The following JPH4 variants were observed in gnomAD, a reference collection of about 807,000 sequenced individuals.
The protein encoded by JPH4 is junctophilin-4.
A neutral mutation model predicts 57.6 loss-of-function variants in JPH4; 18 were observed. That is an observed-to-expected ratio of 0.31 (90% CI 0.22 to 0.46). The LOEUF (loss-of-function observed/expected upper bound fraction) is 0.46. Among genes scored for constraint, JPH4 ranks in the 20% least tolerant of loss-of-function variants. JPH4 has a pLI of 1.00. For missense variants in JPH4, 727 were observed against 911.1 expected (o/e 0.80, Z 2.60); for synonymous variants, 425 against 406.6 (o/e 1.05, Z -0.54).
Position 23,575,574 on chromosome 14 carries a change from A to T in JPH4, c.1151+111T>A, listed in dbSNP as rs747578467. ...AACTGCCTGGCCTTAGGCTTGCAATAGCAGGCCCTAGGCCTTGGGCCTTGG... is the reference window on the plus strand; with the variant it reads ...AACTGCCTGGCCTTAGGCTTGCAATTGCAGGCCCTAGGCCTTGGGCCTTGG... On this transcript the variant is annotated intron_variant, in intron 3 of 5. Coordinates refer to ENST00000356300, the MANE Select transcript of JPH4 (RefSeq NM_001146028.2). The surrounding 1 kb of genome is among the most constrained non-coding windows in gnomAD (Gnocchi z 6.9). The T allele has an allele frequency of 1.5e-6, 2 of 1,374,976 alleles. No homozygotes were observed. 85.2% of individuals were successfully genotyped at this position (1,374,976 alleles called of 1,614,324 possible). A position where few individuals can be genotyped will look rare whatever the true frequency, so the allele number is the denominator to read the frequency against.
In JPH4 at chr14:23,569,621, C is replaced by T. The variant is rs1380701408; in HGVS notation, c.*13G>A. 2 of 1,549,502 alleles carry T rather than the reference C, an allele frequency of 1.3e-6. No individual in the cohort carries two copies. On this transcript the variant is annotated 3_prime_UTR_variant, in exon 6 of 6. Transcript: ENST00000356300. The surrounding 1 kb of genome is among the most constrained non-coding windows in gnomAD (Gnocchi z 4.8). ...GCACGCAACCAAAGCCAGAACCAGG[C>T]CAGGAAGTAGCCTCAGGTGAGGAGC... is the stretch of plus-strand genomic sequence containing the variant.
At position 23,569,533 on chromosome 14, in the gene JPH4, GAT is replaced by G. The variant is rs1374765834; in HGVS notation, c.*99_*100del. The G allele has an allele frequency of 1.3e-6, 1 of 773,874 alleles. No homozygotes were observed. The highest frequency in any genetic ancestry group is 2.3e-6 in the Non-Finnish European group (1 of 442,762). The allele number at this position is 773,874 out of a possible 1,614,324, so 47.9% of individuals were successfully genotyped here. A position where few individuals can be genotyped will look rare whatever the true frequency, so the allele number is the denominator to read the frequency against. ...AAAAGAAAGGAAGAAGAGAAAGAAA[GAT>G]AGGAGAAAACACAGCCAGGAAGAGG... On this transcript the variant is annotated 3_prime_UTR_variant, in exon 6 of 6. Coordinates refer to ENST00000356300, the MANE Select transcript of JPH4 (RefSeq NM_001146028.2). This position sits in a 1 kb window ranked among gnomAD's most constrained non-coding sequence, Gnocchi z 4.8.
rs1409143167 is a variant in JPH4, at chr14:23,578,471, G to C, written c.-463C>G. On this transcript the variant is annotated 5_prime_UTR_variant, in exon 1 of 6. Transcript: ENST00000356300. ...GAGCTGGGAGCTGGATGCAAAGGGG[G>C]AGGGGGCTCTCAAGAGGGGGTGTTT... is the stretch of plus-strand genomic sequence containing the variant. The C allele has an allele frequency of 3.3e-5, 5 of 151,654 alleles. No homozygotes were observed. The highest frequency in any genetic ancestry group is 7.4e-5 in the Non-Finnish European group (5 of 67,958). 9.4% of individuals were successfully genotyped at this position (151,654 alleles called of 1,614,324 possible).
chr14:23,570,311 G>C (rs996212505), intron 5 of JPH4, among the ~76,000 whole-genome samples: 17 of 151,662 alleles, frequency 1.1e-4, no homozygotes, highest in African/African-American at 3.6e-4. Context: ...AGGAGAACGG[G>C]GGAAAAATGT....
At position 23,569,740 on chromosome 14, in the gene JPH4, A is replaced by G; in HGVS notation, c.1804-23T>C. On this transcript the variant is annotated intron_variant, in intron 5 of 5. Transcript: ENST00000356300. This position sits in a 1 kb window ranked among gnomAD's most constrained non-coding sequence, Gnocchi z 4.8. The stretch of plus-strand genomic sequence containing the variant: ...TCCCTAGAGAGACAGAGGGGGAAGC[A>G]GACTCAGTCCCCGAGGACAGGGCCC... 6 of 1,511,426 alleles carry G rather than the reference A, an allele frequency of 4.0e-6. No homozygotes were observed. Among genetic ancestry groups the G allele is most frequent in the Non-Finnish European group, 5.4e-6 (6 of 1,114,040 alleles). 93.6% of individuals were successfully genotyped at this position (1,511,426 alleles called of 1,614,324 possible). A position where few individuals can be genotyped will look rare whatever the true frequency, so the allele number is the denominator to read the frequency against.
chr14:23,575,687 G>T lies in JPH4; in HGVS notation c.1149C>A (p.Ala383=), dbSNP rs913567472. 7.5e-6 allele frequency: 12 copies of T among 1,600,388 alleles called. No individual in the cohort carries two copies. Among genetic ancestry groups the T allele is most frequent in the Admixed American group, 3.4e-5 (2 of 58,964 alleles). Residue 383 remains alanine (A), a splice_region_variant and synonymous_variant, in exon 3 of 6, where the codon GCC becomes GCA. Transcript: ENST00000356300. This position sits in a 1 kb window ranked among gnomAD's most constrained non-coding sequence, Gnocchi z 6.9. ...AARQRQEIAA[A]RAADALLKAV... Reference sequence around the variant, plus strand: ...TGGCCTCTGAACTGGACGCCCACCTGGCAGCGGCGATCTCCTGGCGCTGAC... The same window carrying T: ...TGGCCTCTGAACTGGACGCCCACCTTGCAGCGGCGATCTCCTGGCGCTGAC...
Position 23,568,254 on chromosome 14 carries a change from T to G in JPH4, c.*1380A>C. The G allele has an allele frequency of 1.0e-6, 1 of 985,762 alleles. No individual in the cohort carries two copies. Among genetic ancestry groups the G allele is most frequent in the Non-Finnish European group, 1.2e-6 (1 of 829,884 alleles). 61.1% of individuals were successfully genotyped at this position (985,762 alleles called of 1,614,324 possible). A position where few individuals can be genotyped will look rare whatever the true frequency, so the allele number is the denominator to read the frequency against. On this transcript the variant is annotated 3_prime_UTR_variant, in exon 6 of 6. Transcript: ENST00000356300. ...GAAAAAAAGAAGAGGGTATGTGTGG[T>G]GGGCATTCCTGGGCAAGGCCATTCC...
At chr14:23,570,319 T>G in intron 5 of JPH4, among the ~76,000 whole-genome samples, 1 of 150,406 alleles carries the variant, frequency 6.6e-6, no homozygotes, top group African/African-American at 2.5e-5. Context: ...GGGGGAAAAA[T>G]GTTCTGGCTC....
rs1888850981 is a variant in JPH4, at chr14:23,568,121, G to A, written c.*1513C>T. ...TGCAAGACTTGGTGTTGGCGGCACT[G>A]TTGTAGTTTAACTTCAATCCCAAAT... On this transcript the variant is annotated 3_prime_UTR_variant, in exon 6 of 6. Coordinates refer to ENST00000356300, the MANE Select transcript of JPH4 (RefSeq NM_001146028.2). 1.0e-6 allele frequency: 1 copy of A among 985,396 alleles called. No individual in the cohort carries two copies. The highest frequency in any genetic ancestry group is 1.7e-5 in the African/African-American group (1 of 57,186). The allele number at this position is 985,396 out of a possible 1,614,324, so 61.0% of individuals were successfully genotyped here. A position where few individuals can be genotyped will look rare whatever the true frequency, so the allele number is the denominator to read the frequency against.
chr14:23,571,577 C>T lies in JPH4; in HGVS notation c.1271-117G>A. 7.7e-7 allele frequency: 1 copy of T among 1,305,094 alleles called. No individual in the cohort carries two copies. Among genetic ancestry groups the T allele is most frequent in the Non-Finnish European group, 1.1e-6 (1 of 949,434 alleles). The allele number at this position is 1,305,094 out of a possible 1,614,324, so 80.8% of individuals were successfully genotyped here. A position where few individuals can be genotyped will look rare whatever the true frequency, so the allele number is the denominator to read the frequency against. ...TTTGGAATTCCCAGGCTCATAGCCT[C>T]TCACCGCCAGACCCCAAACCCCCCA... On this transcript the variant is annotated intron_variant, in intron 4 of 5. Transcript: ENST00000356300. This position sits in a 1 kb window ranked among gnomAD's most constrained non-coding sequence, Gnocchi z 4.6.
Position 23,575,785 on chromosome 14 carries a change from G to A in JPH4, c.1051C>T (p.Leu351Phe). 1 of 1,596,550 alleles carries A rather than the reference G, an allele frequency of 6.3e-7. No individual in the cohort carries two copies. Among genetic ancestry groups the A allele is most frequent in the Non-Finnish European group, 8.5e-7 (1 of 1,173,148 alleles). ...TTCTCCTTAACCTTGCCCCGCCGAAGGGCCAGAGGCAGGAGACTGCGGACG... is the reference window on the plus strand; with the variant it reads ...TTCTCCTTAACCTTGCCCCGCCGAAAGGCCAGAGGCAGGAGACTGCGGACG... The part of the protein sequence containing the change: ...GRVRSLLPLA[L>F]RRGKVKEKVD... The change falls in exon 3 of 6, where the codon CTT becomes TTT. Residue 351 changes from leucine (L) to phenylalanine (F), a missense_variant. Physicochemically the swap from Leu to Phe is conservative, Grantham distance 22. Around this residue, in one of 7 missense-constraint regions of JPH4, gnomAD observed 112 missense variants for 199.4 expected, o/e 0.56. Coordinates refer to ENST00000356300, the MANE Select transcript of JPH4 (RefSeq NM_001146028.2). The surrounding 1 kb of genome is among the most constrained non-coding windows in gnomAD (Gnocchi z 6.9).
Position 23,577,146 on chromosome 14 carries a change from C to T in JPH4, c.308G>A (p.Gly103Asp). Residue 103 changes from glycine to aspartate, a missense_variant, in exon 2 of 6, where the codon GGC (glycine) becomes GAC (aspartate). By Grantham distance (94) the Gly-to-Asp change is moderately conservative. Transcript: ENST00000356300. This position sits in a 1 kb window ranked among gnomAD's most constrained non-coding sequence, Gnocchi z 8.4. The part of the protein sequence containing the change: ...GRSGVWESVS[G>D]LRYAGLWKDG... Reference sequence around the variant, plus strand: ...CTTCCAGAGCCCGGCGTAGCGCAGGCCGGACACGCTTTCCCACACGCCGCT... The same window carrying T: ...CTTCCAGAGCCCGGCGTAGCGCAGGTCGGACACGCTTTCCCACACGCCGCT... The T allele has an allele frequency of 6.5e-7, 1 of 1,543,334 alleles. No individual in the cohort carries two copies. The highest frequency in any genetic ancestry group is 8.7e-7 in the Non-Finnish European group (1 of 1,152,208).
chr14:23,574,662 G>A (rs904255774), intron 3 of JPH4, among the ~76,000 whole-genome samples: 1 of 152,158 alleles, frequency 6.6e-6, no homozygotes, highest in Non-Finnish European at 1.5e-5. Flanking sequence ...GGAGCTGCAG[G>A]TTTCAAAGAC....
chr14:23,569,538 G>T lies in JPH4; in HGVS notation c.*96C>A. 1 of 798,488 alleles carries T rather than the reference G, an allele frequency of 1.3e-6. No individual in the cohort carries two copies. The highest frequency in any genetic ancestry group is 2.2e-6 in the Non-Finnish European group (1 of 462,414). The allele number at this position is 798,488 out of a possible 1,614,324, so 49.5% of individuals were successfully genotyped here. A position where few individuals can be genotyped will look rare whatever the true frequency, so the allele number is the denominator to read the frequency against. The stretch of plus-strand genomic sequence containing the variant: ...AAAGGAAGAAGAGAAAGAAAGATAG[G>T]AGAAAACACAGCCAGGAAGAGGAGA... On this transcript the variant is annotated 3_prime_UTR_variant, in exon 6 of 6. Coordinates refer to ENST00000356300, the MANE Select transcript of JPH4 (RefSeq NM_001146028.2). The surrounding 1 kb of genome is among the most constrained non-coding windows in gnomAD (Gnocchi z 4.8).
rs1889286503 is a variant in JPH4 at position 23,576,896 on chromosome 14, G to C, written c.379+179C>G. Among the ~76,000 whole-genome samples the C allele has an allele frequency of 6.6e-6, 1 of 152,052 alleles. No homozygotes were observed. Among genetic ancestry groups the C allele is most frequent in the South Asian group, 2.1e-4 (1 of 4,816 alleles). On this transcript the variant is annotated intron_variant, in intron 2 of 5. Transcript: ENST00000356300. The surrounding 1 kb of genome is among the most constrained non-coding windows in gnomAD (Gnocchi z 8.0). Reference sequence around the variant, plus strand: ...AGAAGCGAGCAGGAGACAGACAATTGAGGAAAGCATAATCATGGTGGGAGA... The same window carrying C: ...AGAAGCGAGCAGGAGACAGACAATTCAGGAAAGCATAATCATGGTGGGAGA...
chr14:23,577,288 G>T lies in JPH4; in HGVS notation c.166C>A (p.Pro56Thr). 1 of 1,537,226 alleles carries T rather than the reference G, an allele frequency of 6.5e-7. No individual in the cohort carries two copies. The highest frequency in any genetic ancestry group is 8.7e-7 in the Non-Finnish European group (1 of 1,145,150). ...TGGCCCTGGTAGCTGTGTCCGCCGGGCCCCGTGAAGACGCCCAGTGACTCG... is the reference window on the plus strand; with the variant it reads ...TGGCCCTGGTAGCTGTGTCCGCCGGTCCCCGTGAAGACGCCCAGTGACTCG... ...GFESLGVFTG[P>T]GGHSYQGHWQ... The change falls in exon 2 of 6, where the codon CCC becomes ACC. Residue 56 changes from proline (P) to threonine (T), a missense_variant. Around this residue, in one of 7 missense-constraint regions of JPH4, gnomAD observed 83 missense variants for 135.4 expected, o/e 0.61. Coordinates refer to ENST00000356300, the MANE Select transcript of JPH4 (RefSeq NM_001146028.2). This position sits in a 1 kb window ranked among gnomAD's most constrained non-coding sequence, Gnocchi z 8.4.
Position 23,577,345 on chromosome 14 carries a change from C to T in JPH4, c.109G>A (p.Gly37Ser). The T allele has an allele frequency of 6.6e-7, 1 of 1,525,148 alleles. No individual in the cohort carries two copies. The highest frequency in any genetic ancestry group is 8.8e-7 in the Non-Finnish European group (1 of 1,138,834). 94.5% of individuals were successfully genotyped at this position (1,525,148 alleles called of 1,614,324 possible). A position where few individuals can be genotyped will look rare whatever the true frequency, so the allele number is the denominator to read the frequency against. Reference protein sequence around the residue: ...YGVCTGPGAQGEYSGCWAHGF... With the variant: ...YGVCTGPGAQSEYSGCWAHGF... ...TGTGCCCAGCAGCCGCTGTACTCGC[C>T]CTGGGCGCCGGGGCCCGTGCACACG... The change falls in exon 2 of 6, where the codon GGC becomes AGC. Residue 37 changes from glycine to serine, a missense_variant. Gly to Ser is a moderately conservative substitution (Grantham distance 56). This residue lies in a region of JPH4 where 83 missense variants were observed against 135.4 expected (regional missense o/e 0.61). Coordinates refer to ENST00000356300, the MANE Select transcript of JPH4 (RefSeq NM_001146028.2). The surrounding 1 kb of genome is among the most constrained non-coding windows in gnomAD (Gnocchi z 8.4).
In JPH4 at chr14:23,568,945, C is replaced by A. The variant is rs1014356947; in HGVS notation, c.*689G>T. 7.6e-6 allele frequency: 2 copies of A among 262,052 alleles called. No homozygotes were observed. Among genetic ancestry groups the A allele is most frequent in the African/African-American group, 4.6e-5 (2 of 43,474 alleles). 16.2% of individuals were successfully genotyped at this position (262,052 alleles called of 1,614,324 possible). ...AGAGGGGGCTGGAGGAGGGGCTGGC[C>A]GATGAGGAGAAAAAGAGGGAAATGC... is the stretch of plus-strand genomic sequence containing the variant. On this transcript the variant is annotated 3_prime_UTR_variant, in exon 6 of 6. Transcript: ENST00000356300.
Position 23,569,271 on chromosome 14 carries a change from T to G in JPH4, c.*363A>C. Reference sequence around the variant, plus strand: ...CACCAAACCCCCACCCGCAGCGAAGTTGAGGTCTAAAGAAAAGGTGGGAGG... The same window carrying G: ...CACCAAACCCCCACCCGCAGCGAAGGTGAGGTCTAAAGAAAAGGTGGGAGG... On this transcript the variant is annotated 3_prime_UTR_variant, in exon 6 of 6. Coordinates refer to ENST00000356300, the MANE Select transcript of JPH4 (RefSeq NM_001146028.2). This position sits in a 1 kb window ranked among gnomAD's most constrained non-coding sequence, Gnocchi z 4.8. 1 of 285,492 alleles carries G rather than the reference T, an allele frequency of 3.5e-6. No homozygotes were observed. The highest frequency in any genetic ancestry group is 6.8e-6 in the Non-Finnish European group (1 of 147,564). The allele number at this position is 285,492 out of a possible 1,614,324, so 17.7% of individuals were successfully genotyped here.
Sources: gnomAD v4.1 joint callset for allele counts (sites outside exome capture counted in the v4.1 genomes callset) on GRCh38, gnomAD v4.1.1 for gene constraint, gnomAD v4.1.1 regional missense constraint, Gnocchi (gnomAD v3.1) non-coding constraint, MANE v1.5 for transcripts, NCBI Gene and HGNC (gene_info 2026-07-23, HGNC 2026-07-21) for gene names.